DNM3: variants seen among roughly 807,000 people sequenced by gnomAD.
DNM3 encodes the protein dynamin-3.
Under a neutral mutation model 101.6 loss-of-function variants are expected in DNM3, and 47 were observed. The observed-to-expected ratio is 0.46, with a 90% CI of 0.37 to 0.59. The LOEUF is 0.59. DNM3 is among the 20% of genes least tolerant of loss of function. The pLI is 0.00. For synonymous variants in DNM3, 385 were observed against 387.9 expected (o/e 0.99, Z 0.09); for missense variants, 849 against 1,085.7 (o/e 0.78, Z 3.06).
chr1:171,973,928 G>A (rs980888572), intron 2 of DNM3, among the ~76,000 whole-genome samples: 2 of 151,904 alleles, frequency 1.3e-5, no homozygotes, highest in African/African-American at 4.8e-5. Flanking sequence ...GCCTCCTAAC[G>A]TGCTAAGATT....
At chr1:172,132,853 A>G (rs1278316386) in intron 14 of DNM3, 3 of 774,396 alleles carry the variant, frequency 3.9e-6, no homozygotes, top group Admixed American at 2.1e-5. Flanking sequence ...TTTTTTTAAA[A>G]AAGTCTTTTC....
intron 12 of DNM3, among the ~76,000 whole-genome samples, chr1:172,090,615 GA>G (rs910132446): frequency 1.3e-5 from 2 of 152,078 alleles, no homozygotes; most frequent in Non-Finnish European, 2.9e-5. Flanking sequence ...TTTTAAATTG[GA>G]AAAAAATATA....
Position 172,052,285 on chromosome 1 carries a change from A to G in DNM3, c.1335+3535A>G, listed in dbSNP as rs1054015043. Among the ~76,000 whole-genome samples, 33 of 152,120 alleles carry G rather than the reference A, an allele frequency of 2.2e-4. 1 individual carries two copies. Among genetic ancestry groups the G allele is most frequent in the East Asian group, 1.5e-3 (8 of 5,180 alleles). On this transcript the variant is annotated intron_variant, in intron 10 of 20. Transcript: ENST00000627582. ...TCAAGGGGGTGGGGGGTGGTTTCCT[A>G]TCTGTACTCTCACCTCCTTAGAGGA...
At chr1:172,097,789 T>C (rs1308889213) in intron 13 of DNM3, among the ~76,000 whole-genome samples, 1 of 152,192 alleles carries the variant, frequency 6.6e-6, no homozygotes, top group Non-Finnish European at 1.5e-5. Context: ...AAATGTTGGC[T>C]GGTCTGAGAA....
intron 13 of DNM3, among the ~76,000 whole-genome samples, chr1:172,118,487 T>A (rs1231425009): frequency 6.6e-6 from 1 of 152,186 alleles, no homozygotes; most frequent in Non-Finnish European, 1.5e-5. Flanking sequence ...TTCCAGGAAG[T>A]CTTTTAAAAC....
At chr1:172,328,505 T>G (rs1045697658) in intron 17 of DNM3, among the ~76,000 whole-genome samples, 5 of 152,190 alleles carry the variant, frequency 3.3e-5, no homozygotes, top group Non-Finnish European at 4.4e-5. Context: ...GCCGTTATTC[T>G]AAGTGAATTA....
intron 4 of DNM3, among the ~76,000 whole-genome samples, chr1:171,991,817 C>T (rs2045649335): frequency 6.6e-6 from 1 of 152,164 alleles, no homozygotes; most frequent in Non-Finnish European, 1.5e-5. Flanking sequence ...ATTCCAAGGA[C>T]TTTAGTAGTT....
At chr1:172,343,041 G>T (rs1268689349) in intron 17 of DNM3, among the ~76,000 whole-genome samples, 1 of 152,170 alleles carries the variant, frequency 6.6e-6, no homozygotes, top group Non-Finnish European at 1.5e-5. Flanking sequence ...CTAAGGCGAA[G>T]GAGCTAAGCC....
intron 1 of DNM3, among the ~76,000 whole-genome samples, chr1:171,911,526 G>T (rs375079259): frequency 6.6e-6 from 1 of 151,962 alleles, no homozygotes; most frequent in Non-Finnish European, 1.5e-5. Flanking sequence ...CAGGTGATCC[G>T]CCCGCCTCGG....
intron 16 of DNM3, chr1:172,309,992 G>A (rs1332102672): frequency 1.3e-5 from 2 of 152,152 alleles, no homozygotes; most frequent in Non-Finnish European, 2.9e-5. Flanking sequence ...CCCACAATAT[G>A]CTTTGTGCCC....
At chr1:171,849,996 A>G (rs969271672) in intron 1 of DNM3, among the ~76,000 whole-genome samples, 16 of 152,340 alleles carry the variant, frequency 1.1e-4, no homozygotes, top group African/African-American at 3.8e-4. Context: ...GATATAAAGT[A>G]AACCATTCTT....
chr1:172,089,799 G>T (rs557642116), intron 12 of DNM3, among the ~76,000 whole-genome samples: 2 of 152,288 alleles, frequency 1.3e-5, no homozygotes, highest in South Asian at 4.1e-4. Context: ...AATGGACATT[G>T]TCTTTATCTA....
intron 1 of DNM3, among the ~76,000 whole-genome samples, chr1:171,869,147 G>A (rs2035040718): frequency 6.6e-6 from 1 of 152,170 alleles, no homozygotes; most frequent in South Asian, 2.1e-4. Context: ...TTAAGGCTGT[G>A]TACCTAAACA....
chr1:172,088,747 C>T (rs1006186226), intron 12 of DNM3, among the ~76,000 whole-genome samples: 3 of 152,132 alleles, frequency 2.0e-5, no homozygotes, highest in African/African-American at 2.4e-5. Flanking sequence ...CAGTTCAGAT[C>T]ATATCATCTG....
intron 14 of DNM3, among the ~76,000 whole-genome samples, chr1:172,233,857 C>A (rs926157675): frequency 6.6e-6 from 1 of 152,166 alleles, no homozygotes; most frequent in Admixed American, 6.5e-5. Flanking sequence ...ACGCTAAAAA[C>A]TCTCAATAAA....
At chr1:172,351,340 A>G (rs1276074748) in intron 17 of DNM3, among the ~76,000 whole-genome samples, 39 of 152,194 alleles carry the variant, frequency 2.6e-4, no homozygotes. Flanking sequence ...AGCTTCTGCT[A>G]TAGAATAATT....
At chr1:171,999,132 C>T (rs1380069971) in intron 4 of DNM3, among the ~76,000 whole-genome samples, 4 of 151,830 alleles carry the variant, frequency 2.6e-5, no homozygotes, top group Admixed American at 6.6e-5. Context: ...AGACTGAAGA[C>T]GGGCATGAAT....
chr1:171,872,331 T>A (rs1388582190), intron 1 of DNM3, among the ~76,000 whole-genome samples: 1 of 152,112 alleles, frequency 6.6e-6, no homozygotes, highest in Non-Finnish European at 1.5e-5. Flanking sequence ...CCCAAAATAG[T>A]TTTTCCTTTT....
intron 12 of DNM3, among the ~76,000 whole-genome samples, chr1:172,088,785 C>G (rs182365835): frequency 6.6e-6 from 1 of 152,106 alleles, no homozygotes; most frequent in Non-Finnish European, 1.5e-5. Context: ...CCTGAACATT[C>G]AGAGAAATTA....
Sources: allele counts gnomAD v4.1 joint callset (sites outside exome capture counted in the v4.1 genomes callset), GRCh38; gene constraint gnomAD v4.1.1; transcripts MANE v1.5; gene names NCBI Gene and HGNC (gene_info 2026-07-23, HGNC 2026-07-21).